PALLD: variants seen among roughly 807,000 people sequenced by gnomAD.
PALLD encodes the protein palladin.
Under a neutral mutation model 123.5 loss-of-function variants are expected in PALLD, and 61 were observed. The observed-to-expected ratio is 0.49, with a 90% CI of 0.40 to 0.61. PALLD has a LOEUF of 0.61. Among genes scored for constraint, PALLD ranks in the 20% least tolerant of loss-of-function variants. The pLI is 0.00. For missense variants in PALLD, 1,273 were observed against 1,377.0 expected, an observed-to-expected ratio of 0.92 and a Z score of 1.20; for synonymous variants, 465 against 496.4, an observed-to-expected ratio of 0.94 and a Z score of 0.84.
intron 2 of PALLD, among the ~76,000 whole-genome samples, chr4:168,523,305 CAAAG>C (rs1304604974): frequency 6.6e-6 from 1 of 151,436 alleles, no homozygotes; most frequent in Non-Finnish European, 1.5e-5. Flanking sequence ...GGGAGGCAGA[CAAAG>C]AAAACTCTCA....
intron 2 of PALLD, among the ~76,000 whole-genome samples, chr4:168,660,271 A>G (rs937126609): frequency 1.3e-5 from 2 of 152,174 alleles, no homozygotes; most frequent in African/African-American, 2.4e-5. Flanking sequence ...AAGCAGCTGC[A>G]GCCCCTTGAT....
intron 18 of PALLD, among the ~76,000 whole-genome samples, chr4:168,922,267 T>C (rs1213723573): frequency 6.6e-6 from 1 of 152,208 alleles, no homozygotes; most frequent in African/African-American, 2.4e-5. Context: ...TGAAGTCTTA[T>C]GCTTTGAGAA....
intron 2 of PALLD, among the ~76,000 whole-genome samples, chr4:168,605,501 G>C (rs971745440): frequency 6.6e-6 from 1 of 152,150 alleles, no homozygotes; most frequent in Non-Finnish European, 1.5e-5. Context: ...CTGGCTGTTT[G>C]GGACCAGCAC....
In PALLD at chr4:168,791,576, G is replaced by T. The variant is rs749031425; in HGVS notation, c.1964+79653G>T. 5.3e-5 allele frequency among the ~76,000 whole-genome samples: 8 copies of T among 152,238 alleles called. No homozygotes were observed. In the South Asian group the frequency reaches 1.7e-3, roughly 32 times the overall value. On this transcript the variant is annotated intron_variant, in intron 10 of 21. Transcript: ENST00000505667. ...TCACTATCACAAGAACAGCATGGGGGAAACGGGCCCCATGATTCAATTACC... is the reference window on the plus strand; with the variant it reads ...TCACTATCACAAGAACAGCATGGGGTAAACGGGCCCCATGATTCAATTACC...
intron 10 of PALLD, among the ~76,000 whole-genome samples, chr4:168,855,439 G>A (rs948836084): frequency 6.6e-6 from 1 of 152,180 alleles, no homozygotes; most frequent in East Asian, 1.9e-4. Context: ...CATGTAAGTG[G>A]TACGTCTATC....
intron 10 of PALLD, among the ~76,000 whole-genome samples, chr4:168,787,974 T>G (rs1736980808): frequency 6.6e-6 from 1 of 152,248 alleles, no homozygotes; most frequent in African/African-American, 2.4e-5. Flanking sequence ...AAAGTCTGTA[T>G]AACTTCGCTG....
At chr4:168,742,477 T>A (rs1481851020) in intron 10 of PALLD, among the ~76,000 whole-genome samples, 1 of 152,208 alleles carries the variant, frequency 6.6e-6, no homozygotes, top group African/African-American at 2.4e-5. Flanking sequence ...TATGATAGTA[T>A]TAAGATGTTC....
chr4:168,688,272 G>A (rs1782276814), intron 6 of PALLD, among the ~76,000 whole-genome samples: 1 of 152,160 alleles, frequency 6.6e-6, no homozygotes, highest in Admixed American at 6.5e-5. Flanking sequence ...CATAGTCCAA[G>A]GGTTACCTCC....
chr4:168,812,705 C>T (rs1218513804), intron 10 of PALLD, among the ~76,000 whole-genome samples: 1 of 152,162 alleles, frequency 6.6e-6, no homozygotes, highest in Non-Finnish European at 1.5e-5. Flanking sequence ...CACAATCAGG[C>T]CTCCTTGATA....
intron 10 of PALLD, among the ~76,000 whole-genome samples, chr4:168,730,485 T>G (rs575380179): frequency 2.5e-4 from 38 of 152,260 alleles, no homozygotes; most frequent in Admixed American, 9.8e-4. Context: ...ATTCCTTTTT[T>G]TTGTTGTTGT....
chr4:168,733,714 G>A (rs1787402156), intron 10 of PALLD, among the ~76,000 whole-genome samples: 2 of 151,974 alleles, frequency 1.3e-5, no homozygotes, highest in Admixed American at 1.3e-4. Flanking sequence ...TTACAGAAAT[G>A]TTTTTTGTTG....
At chr4:168,672,552 G>A (rs1032525680) in intron 3 of PALLD, among the ~76,000 whole-genome samples, 8 of 151,914 alleles carry the variant, frequency 5.3e-5, no homozygotes, top group Admixed American at 2.6e-4. Flanking sequence ...TCTGCCTTCC[G>A]GGTTCACGCC....
chr4:168,604,770 T>C (rs998943967), intron 2 of PALLD, among the ~76,000 whole-genome samples: 7 of 152,190 alleles, frequency 4.6e-5, no homozygotes, highest in Non-Finnish European at 8.8e-5. Context: ...CATCCAAAAT[T>C]CCGACACAGA....
chr4:168,696,910 T>G (rs1783179428), intron 8 of PALLD, among the ~76,000 whole-genome samples: 1 of 151,902 alleles, frequency 6.6e-6, no homozygotes, highest in Admixed American at 6.5e-5. Flanking sequence ...AATGAAATAA[T>G]TTTTTTAAAG....
chr4:168,925,321 T>G (rs1762370801), intron 21 of PALLD, 43 bp downstream of exon 21: 1 of 1,425,126 alleles, frequency 7.0e-7, no homozygotes, highest in South Asian at 1.1e-5. Flanking sequence ...ATATGCATGT[T>G]GATTTCTCTT....
intron 6 of PALLD, chr4:168,686,806 C>T (rs991448788): frequency 6.6e-6 from 1 of 152,050 alleles, no homozygotes; most frequent in Non-Finnish European, 1.5e-5. Context: ...CTAAGAATAG[C>T]CAGGATACAC....
At chr4:168,632,724 G>GT (rs1775956210) in intron 2 of PALLD, among the ~76,000 whole-genome samples, 2 of 152,140 alleles carry the variant, frequency 1.3e-5, no homozygotes, top group Admixed American at 6.5e-5. Flanking sequence ...TTCTCCATTA[G>GT]TTTTTATGGA....
intron 15 of PALLD, among the ~76,000 whole-genome samples, chr4:168,913,611 G>C (rs1332802446): frequency 6.6e-6 from 1 of 152,020 alleles, no homozygotes; most frequent in Non-Finnish European, 1.5e-5. Flanking sequence ...AACATCATGT[G>C]TTACGGAGAC....
At chr4:168,894,764 T>A in intron 12 of PALLD, 87 bp downstream of exon 12, 1 of 1,552,532 alleles carries the variant, frequency 6.4e-7, no homozygotes, top group South Asian at 1.2e-5. Context: ...TTGGGATGAG[T>A]TCTGTGGAAA....
Sources: gnomAD v4.1 joint callset for allele counts (sites outside exome capture counted in the v4.1 genomes callset) on GRCh38, gnomAD v4.1.1 for gene constraint, MANE v1.5 for transcripts, NCBI Gene and HGNC (gene_info 2026-07-23, HGNC 2026-07-21) for gene names.